The following TPTE variants were observed in gnomAD, a reference collection of about 807,000 sequenced individuals.
The protein encoded by TPTE is transmembrane phosphatase with tensin homology, also known as putative tyrosine-protein phosphatase TPTE.
A neutral mutation model predicts 84.1 loss-of-function variants in TPTE; 59 were observed. The ratio of observed to expected loss-of-function variants is 0.70; its 90% CI spans 0.57 to 0.87. The LOEUF (loss-of-function observed/expected upper bound fraction) is 0.87. Ranked by LOEUF, TPTE falls within the 40% of genes least tolerant of loss-of-function variation. The pLI is 0.00. For missense variants in TPTE, 382 were observed against 659.6 expected (o/e 0.58, Z 4.61); for synonymous variants, 130 against 223.5 (o/e 0.58, Z 3.73).
chr21:10,552,796 A>C (rs2074603314), intron 8 of TPTE, 80 bp downstream of exon 8: 1 of 1,608,922 alleles, frequency 6.2e-7, no homozygotes, highest in Non-Finnish European at 8.5e-7. Flanking sequence ...CCGCTGAGGC[A>C]AGAAGGAAAA....
intron 1 of TPTE, among the ~76,000 whole-genome samples, chr21:10,522,146 C>T (rs1477261068): frequency 2.0e-5 from 3 of 150,404 alleles, no homozygotes; most frequent in Non-Finnish European, 3.0e-5. Context: ...GTTGTCTTGT[C>T]CCCCCCCAGG....
At chr21:10,580,340 CA>C (rs1369658513) in intron 17 of TPTE, among the ~76,000 whole-genome samples, 6 of 152,306 alleles carry the variant, frequency 3.9e-5, no homozygotes, top group Non-Finnish European at 7.3e-5. Flanking sequence ...CTTTGCTGTG[CA>C]AAAGCGTTTT....
intron 17 of TPTE, among the ~76,000 whole-genome samples, chr21:10,580,369 T>C (rs1178320407): frequency 6.6e-6 from 1 of 152,312 alleles, no homozygotes; most frequent in African/African-American, 2.4e-5. Context: ...TACAGTATCA[T>C]TTGTCTACTT....
intron 8 of TPTE, among the ~76,000 whole-genome samples, chr21:10,556,114 G>C (rs1281232241): frequency 6.6e-6 from 1 of 152,300 alleles, no homozygotes; most frequent in Non-Finnish European, 1.5e-5. Context: ...ACATATTCAT[G>C]CATGTGCCAT....
chr21:10,573,041 G>A (rs527702642), intron 14 of TPTE, among the ~76,000 whole-genome samples: 12 of 151,792 alleles, frequency 7.9e-5, no homozygotes, highest in African/African-American at 2.9e-4. Flanking sequence ...AAAAGATATA[G>A]AGTTGGCTGC....
intron 8 of TPTE, among the ~76,000 whole-genome samples, 182 bp downstream of exon 8, chr21:10,552,898 A>C (rs1227428183): frequency 1.3e-5 from 2 of 152,306 alleles, no homozygotes; most frequent in African/African-American, 4.8e-5. Flanking sequence ...TATTTTGAAA[A>C]AAAAATTCCA....
intron 8 of TPTE, among the ~76,000 whole-genome samples, chr21:10,557,279 A>G (rs2074703079): frequency 6.6e-6 from 1 of 152,306 alleles, no homozygotes. Flanking sequence ...AGTCATAGTT[A>G]TTTCCCTGCA....
chr21:10,552,416 CAGAG>C (rs59051181), intron 7 of TPTE, among the ~76,000 whole-genome samples: 2,610 of 150,590 alleles, frequency 0.017, no homozygotes, highest in African/African-American at 0.054. Context: ...TAGAAAGAGA[CAGAG>C]AGAGAAAAGA....
chr21:10,561,454 T>G (rs934159773), intron 10 of TPTE, among the ~76,000 whole-genome samples: 2 of 151,342 alleles, frequency 1.3e-5, no homozygotes, highest in African/African-American at 4.9e-5. Context: ...ATCATGCCAT[T>G]GCACTCTAGC....
chr21:10,598,169 T>A, intron 21 of TPTE, 75 bp downstream of exon 21: 4 of 1,579,282 alleles, frequency 2.5e-6, no homozygotes, highest in Non-Finnish European at 3.5e-6. Context: ...AATGTTCACC[T>A]CCCTAAACTA....
At chr21:10,573,654 C>A (rs1237662237) in intron 14 of TPTE, among the ~76,000 whole-genome samples, 1 of 152,310 alleles carries the variant, frequency 6.6e-6, no homozygotes, top group East Asian at 1.9e-4. Context: ...ACATTGTATA[C>A]AAGTATTGAG....
intron 1 of TPTE, among the ~76,000 whole-genome samples, chr21:10,523,159 A>G (rs2074014054): frequency 6.6e-6 from 1 of 152,312 alleles, no homozygotes; most frequent in Non-Finnish European, 1.5e-5. Flanking sequence ...AATCCTCTCC[A>G]TTACATACAA....
intron 4 of TPTE, among the ~76,000 whole-genome samples, chr21:10,540,240 A>G (rs2074343539): frequency 6.6e-6 from 1 of 152,426 alleles, no homozygotes; most frequent in Admixed American, 6.5e-5. Flanking sequence ...TGCATATACA[A>G]ACACATACAT....
At chr21:10,556,755 G>C (rs866533826) in intron 8 of TPTE, among the ~76,000 whole-genome samples, 3 of 152,292 alleles carry the variant, frequency 2.0e-5, no homozygotes, top group Admixed American at 6.5e-5. Context: ...GAGATGGTAT[G>C]TCATTGTGGT....
At chr21:10,539,129 C>CTT (rs2074321177) in intron 4 of TPTE, among the ~76,000 whole-genome samples, 1 of 152,308 alleles carries the variant, frequency 6.6e-6, no homozygotes, top group Non-Finnish European at 1.5e-5. Flanking sequence ...TAAGCAGCAG[C>CTT]TTAAAGGACT....
At chr21:10,576,160 CAA>C (rs1322871411) in intron 14 of TPTE, 1 of 161,994 alleles carries the variant, frequency 6.2e-6, no homozygotes, top group African/African-American at 2.4e-5. Flanking sequence ...TTCACAAGAG[CAA>C]AGACATGGAA....
At chr21:10,551,232 A>G (rs1278863844) in intron 7 of TPTE, among the ~76,000 whole-genome samples, 10 of 152,066 alleles carry the variant, frequency 6.6e-5, no homozygotes, top group East Asian at 5.8e-4. Flanking sequence ...TGGGAATTGA[A>G]CAATGAGAAC....
chr21:10,543,014 CTTTTTTTTTTTTTTTT>C (rs1051322060), intron 6 of TPTE, among the ~76,000 whole-genome samples: 1 of 72,276 alleles, frequency 1.4e-5, no homozygotes, highest in East Asian at 5.5e-4. Flanking sequence ...TGACTGTATT[CTTTTTTTTTTTTTTTT>C]TTTTTTTTTT....
intron 3 of TPTE, among the ~76,000 whole-genome samples, chr21:10,529,453 T>G (rs1260195158): frequency 6.6e-6 from 1 of 152,312 alleles, no homozygotes; most frequent in Non-Finnish European, 1.5e-5. Context: ...AAAAGTAGAC[T>G]GTGAGATTAA....
Sources: allele counts gnomAD v4.1 joint callset (sites outside exome capture counted in the v4.1 genomes callset), GRCh38; gene constraint gnomAD v4.1.1; transcripts MANE v1.5; gene names NCBI Gene and HGNC (gene_info 2026-07-23, HGNC 2026-07-21).